Variants in MTCL2 observed in about 807,000 individuals in gnomAD.
MTCL2 encodes the protein microtubule crosslinking factor 2.
the MTCL2 span, among the ~76,000 whole-genome samples, chr20:36,798,738 T>C: frequency 6.6e-6 from 1 of 152,138 alleles, no homozygotes. Flanking sequence ...TGAAAGCATA[T>C]CTTACGTGGT....
At chr20:36,829,674 C>G in the MTCL2 span, among the ~76,000 whole-genome samples, 2 of 152,030 alleles carry the variant, frequency 1.3e-5, no homozygotes, top group South Asian at 4.1e-4. Flanking sequence ...TGCATAACCA[C>G]AACTGGCTAA....
chr20:36,794,758 G>T, the MTCL2 span: 4 of 862,006 alleles, frequency 4.6e-6, no homozygotes, highest in Middle Eastern at 2.3e-4. The surrounding 1 kb of genome is among the most constrained non-coding windows in gnomAD (Gnocchi z 5.4). Flanking sequence ...CCCACATTCT[G>T]TCTGCATTTT....
At chr20:36,840,845 C>CA in the MTCL2 span, among the ~76,000 whole-genome samples, 4 of 149,038 alleles carry the variant, frequency 2.7e-5, no homozygotes, top group Admixed American at 6.7e-5. Context: ...GACTCCGTCT[C>CA]AAAAAAAAAG....
At chr20:36,807,553 T>C in the MTCL2 span, among the ~76,000 whole-genome samples, 6 of 152,210 alleles carry the variant, frequency 3.9e-5, no homozygotes, top group Non-Finnish European at 8.8e-5. Context: ...GCTGTGCTGA[T>C]GACAGGACGC....
chr20:36,838,197 C>G, the MTCL2 span, among the ~76,000 whole-genome samples: 1 of 152,136 alleles, frequency 6.6e-6, no homozygotes, highest in Admixed American at 6.5e-5. Flanking sequence ...ACTACACATG[C>G]CTGCCACCAC....
chr20:36,812,591 T>C, the MTCL2 span: 1 of 1,363,388 alleles, frequency 7.3e-7, no homozygotes, highest in Non-Finnish European at 9.8e-7. Flanking sequence ...CCAAATGGAA[T>C]GCCCCAAACC....
chr20:36,846,763 T>C, the MTCL2 span, among the ~76,000 whole-genome samples: 1 of 152,174 alleles, frequency 6.6e-6, no homozygotes, highest in African/African-American at 2.4e-5. Flanking sequence ...TCCCAGCACT[T>C]TGGGAGGCCG....
the MTCL2 span, among the ~76,000 whole-genome samples, chr20:36,796,696 G>T: frequency 6.6e-6 from 1 of 152,174 alleles, no homozygotes; most frequent in Non-Finnish European, 1.5e-5. Flanking sequence ...TCGGGTTCCA[G>T]AGAAACCATA....
the MTCL2 span, among the ~76,000 whole-genome samples, chr20:36,857,318 C>A: frequency 2.0e-5 from 3 of 151,850 alleles, no homozygotes; most frequent in Non-Finnish European, 2.9e-5. Context: ...TCTGAGCCTC[C>A]GTTGTGTCTG....
At chr20:36,810,360 A>G in the MTCL2 span, among the ~76,000 whole-genome samples, 15 of 152,162 alleles carry the variant, frequency 9.9e-5, no homozygotes, top group Admixed American at 6.5e-4. Context: ...TTATCTTAAT[A>G]AGGTACTGGG....
the MTCL2 span, among the ~76,000 whole-genome samples, chr20:36,856,527 C>T: frequency 3.3e-5 from 5 of 152,236 alleles, no homozygotes; most frequent in African/African-American, 7.2e-5. Flanking sequence ...GGCAGCTCGA[C>T]AATCGGTCCA....
chr20:36,797,051 C>G, the MTCL2 span: 1 of 1,039,048 alleles, frequency 9.6e-7, no homozygotes, highest in Non-Finnish European at 1.5e-6. Flanking sequence ...TGAATCTCCT[C>G]ATCCGGAGAG....
At chr20:36,781,865 C>T in the MTCL2 span, 1 of 152,014 alleles carries the variant, frequency 6.6e-6, no homozygotes, top group Non-Finnish European at 1.5e-5. Context: ...AGACAAGTCT[C>T]ATTCCGTTGC....
the MTCL2 span, among the ~76,000 whole-genome samples, chr20:36,807,865 C>CTT: frequency 6.8e-3 from 364 of 53,548 alleles, 51 homozygotes; most frequent in East Asian, 0.031. Flanking sequence ...GAAACCCTGT[C>CTT]TTTTTTTTTT....
chr20:36,795,969 TC>T, the MTCL2 span, among the ~76,000 whole-genome samples: 5 of 152,060 alleles, frequency 3.3e-5, no homozygotes, highest in Non-Finnish European at 5.9e-5. Flanking sequence ...CCTGAGTTCC[TC>T]CGACAGCCTG....
chr20:36,779,841 T>G, the MTCL2 span: 1 of 151,752 alleles, frequency 6.6e-6, no homozygotes, highest in Non-Finnish European at 1.5e-5. Flanking sequence ...CTGAATACTA[T>G]AGTGAGCTCC....
At chr20:36,798,744 G>A in the MTCL2 span, among the ~76,000 whole-genome samples, 4 of 152,130 alleles carry the variant, frequency 2.6e-5, no homozygotes, top group East Asian at 1.9e-4. Flanking sequence ...CATATCTTAC[G>A]TGGTTTCTTC....
the MTCL2 span, among the ~76,000 whole-genome samples, chr20:36,853,703 GT>G: frequency 2.0e-3 from 15 of 7,420 alleles, no homozygotes; most frequent in South Asian, 0.011. Context: ...TCAGGGAGGG[GT>G]GTGTGTGTGT....
At chr20:36,815,629 C>T in the MTCL2 span, 1 of 1,604,090 alleles carries the variant, frequency 6.2e-7, no homozygotes, top group Non-Finnish European at 8.5e-7. This position sits in a 1 kb window ranked among gnomAD's most constrained non-coding sequence, Gnocchi z 5.3. Context: ...GAGGCGAGGT[C>T]ACAGCGCTGG....
Sources: gnomAD v4.1 joint callset for allele counts (sites outside exome capture counted in the v4.1 genomes callset) on GRCh38, gnomAD v4.1.1 for gene constraint, Gnocchi (gnomAD v3.1) non-coding constraint, MANE v1.5 for transcripts, NCBI Gene and HGNC (gene_info 2026-07-23, HGNC 2026-07-21) for gene names.